Variants in SNX29 observed in about 807,000 individuals in gnomAD.
SNX29 encodes sorting nexin 29.
Under a neutral mutation model 102.1 loss-of-function variants are expected in SNX29, and 78 were observed. That is an observed-to-expected ratio of 0.76 (90% confidence interval 0.64 to 0.92). The LOEUF is 0.92. Ranked by LOEUF, SNX29 falls within the 40% of genes least tolerant of loss-of-function variation. The pLI, the probability that SNX29 is intolerant of heterozygous loss-of-function variation, is 0.00. For missense variants in SNX29, 1,280 were observed against 1,061.7 expected, an observed-to-expected ratio of 1.21 and a Z score of -2.86; for synonymous variants, 580 against 414.5, an observed-to-expected ratio of 1.40 and a Z score of -4.85.
At chr16:11,982,680 C>T (rs750132106) in intron 1 of SNX29, among the ~76,000 whole-genome samples, 7 of 152,050 alleles carry the variant, frequency 4.6e-5, no homozygotes, top group East Asian at 1.9e-4. Context: ...CCACCTGCCT[C>T]GGCCTCCCAA....
At chr16:12,334,438 G>A (rs2081383890) in intron 15 of SNX29, among the ~76,000 whole-genome samples, 3 of 152,004 alleles carry the variant, frequency 2.0e-5, no homozygotes. Flanking sequence ...TTTTGTGTTC[G>A]GCACCGTGCA....
intron 20 of SNX29, among the ~76,000 whole-genome samples, chr16:12,529,962 C>A (rs1408263532): frequency 6.6e-6 from 1 of 152,160 alleles, no homozygotes; most frequent in Non-Finnish European, 1.5e-5. Context: ...GTGGTGATGC[C>A]ATGCAAGAGA....
At chr16:12,273,888 T>C (rs1051981621) in intron 14 of SNX29, among the ~76,000 whole-genome samples, 7 of 152,202 alleles carry the variant, frequency 4.6e-5, no homozygotes, top group African/African-American at 1.7e-4. Flanking sequence ...GCTCTCACGG[T>C]CTATCTGTGT....
At chr16:12,048,208 C>T (rs1256846943) in intron 6 of SNX29, among the ~76,000 whole-genome samples, 164 bp from the exon 7 acceptor site, 2 of 150,570 alleles carry the variant, frequency 1.3e-5, no homozygotes, top group African/African-American at 2.4e-5. Flanking sequence ...AGTGCAGTGG[C>T]GCGATTTTCG....
intron 20 of SNX29, among the ~76,000 whole-genome samples, chr16:12,550,260 GAC>G (rs1396108455): frequency 1.3e-5 from 2 of 152,202 alleles, no homozygotes; most frequent in African/African-American, 2.4e-5. Context: ...ATATGGGCCA[GAC>G]ACAGAGGCTT....
intron 20 of SNX29, among the ~76,000 whole-genome samples, chr16:12,555,184 G>A (rs375913728): frequency 1.3e-5 from 2 of 151,828 alleles, no homozygotes; most frequent in African/African-American, 2.4e-5. Flanking sequence ...GGTTACTCAG[G>A]TGTGGCATGC....
intron 19 of SNX29, among the ~76,000 whole-genome samples, chr16:12,523,692 C>T (rs1321547828): frequency 6.6e-6 from 1 of 152,114 alleles, no homozygotes; most frequent in Non-Finnish European, 1.5e-5. Context: ...GCCCTGCCCA[C>T]AAACACCAAC....
chr16:11,996,008 C>T (rs1286791660), intron 1 of SNX29, among the ~76,000 whole-genome samples: 2 of 148,794 alleles, frequency 1.3e-5, no homozygotes, highest in African/African-American at 2.5e-5. Context: ...TGCAGGGAGC[C>T]GAGACTGGGC....
chr16:12,212,417 A>G (rs74332975), intron 14 of SNX29, among the ~76,000 whole-genome samples: 3,895 of 152,210 alleles, frequency 0.026, 168 homozygotes, highest in African/African-American at 0.089. Context: ...GGTAGACAGA[A>G]GCCATTGCCT....
chr16:12,407,477 A>G (rs2084213223), intron 18 of SNX29, among the ~76,000 whole-genome samples: 1 of 152,262 alleles, frequency 6.6e-6, no homozygotes. Flanking sequence ...AAGCTACTAA[A>G]TAAACAATCG....
chr16:12,566,710 C>G (rs1399530264), intron 20 of SNX29, among the ~76,000 whole-genome samples: 4 of 151,488 alleles, frequency 2.6e-5, no homozygotes, highest in Admixed American at 6.6e-5. Flanking sequence ...GTCCCCCATC[C>G]TTTGAAGAGA....
chr16:12,439,576 C>G (rs901428647), intron 18 of SNX29, among the ~76,000 whole-genome samples: 1 of 152,186 alleles, frequency 6.6e-6, no homozygotes, highest in African/African-American at 2.4e-5. Flanking sequence ...ATAAAAGCAT[C>G]AGATCTCGTG....
intron 20 of SNX29, among the ~76,000 whole-genome samples, chr16:12,528,518 CAGA>C (rs2076847270): frequency 6.6e-6 from 1 of 152,128 alleles, no homozygotes; most frequent in African/African-American, 2.4e-5. Flanking sequence ...CTTGAAAAAT[CAGA>C]AGAATTGGTC....
intron 14 of SNX29, among the ~76,000 whole-genome samples, chr16:12,267,153 C>T (rs954391166): frequency 3.9e-5 from 6 of 151,908 alleles, no homozygotes; most frequent in South Asian, 2.1e-4. Context: ...GAAGTAGGTT[C>T]GTATAATGTG....
At chr16:12,356,316 T>A (rs751345008) in intron 16 of SNX29, 37 bp downstream of exon 16, 2 of 1,537,832 alleles carry the variant, frequency 1.3e-6, no homozygotes, top group South Asian at 2.4e-5. Context: ...CTGTCAAGCC[T>A]CTGCTGCCCA....
intron 19 of SNX29, among the ~76,000 whole-genome samples, chr16:12,482,673 C>G (rs1390735950): frequency 6.6e-6 from 1 of 152,212 alleles, no homozygotes; most frequent in Non-Finnish European, 1.5e-5. Flanking sequence ...CTGCAGAATC[C>G]ATAGACCTAG....
chr16:12,382,865 ATC>A (rs1422816612), intron 16 of SNX29, among the ~76,000 whole-genome samples: 2 of 151,266 alleles, frequency 1.3e-5, no homozygotes, highest in Non-Finnish European at 2.9e-5. Context: ...GCCTCTCTGT[ATC>A]TCTCTTATAA....
chr16:12,149,150 A>C (rs1166134859), intron 13 of SNX29, among the ~76,000 whole-genome samples: 8 of 152,184 alleles, frequency 5.3e-5, no homozygotes. Context: ...TGTTTGGCTT[A>C]TGTTTCCAAG....
At chr16:12,226,135 C>T (rs961954053) in intron 14 of SNX29, among the ~76,000 whole-genome samples, 9 of 152,176 alleles carry the variant, frequency 5.9e-5, no homozygotes, top group African/African-American at 9.7e-5. Context: ...GAAGAACGGT[C>T]GTGTTCGACA....
Sources: gnomAD v4.1 joint callset for allele counts (sites outside exome capture counted in the v4.1 genomes callset) on GRCh38, gnomAD v4.1.1 for gene constraint, MANE v1.5 for transcripts, NCBI Gene and HGNC (gene_info 2026-07-23, HGNC 2026-07-21) for gene names.